Variants in PELI2 observed in about 807,000 individuals in gnomAD.
PELI2 encodes E3 ubiquitin-protein ligase pellino homolog 2.
Under a neutral mutation model 42.3 loss-of-function variants are expected in PELI2, and 23 were observed. The ratio of observed to expected loss-of-function variants is 0.54; its 90% CI spans 0.39 to 0.77. The LOEUF (loss-of-function observed/expected upper bound fraction) is 0.77, where lower values mean the gene tolerates loss of function less well. PELI2 is among the 30% of genes least tolerant of loss of function. The probability of loss-of-function intolerance (pLI) is 0.00; values close to 1 mark genes in which losing one functional copy is unlikely to be tolerated. For missense variants in PELI2, 463 were observed against 553.2 expected (o/e 0.84, Z 1.64); for synonymous variants, 245 against 212.2 (o/e 1.15, Z -1.34).
intron 3 of PELI2, among the ~76,000 whole-genome samples, chr14:56,285,192 A>C (rs896266801): frequency 6.6e-6 from 1 of 152,230 alleles, no homozygotes; most frequent in Non-Finnish European, 1.5e-5. Context: ...AGTAAGACAT[A>C]ATGGTAACCA....
chr14:56,218,816 A>G (rs1333753792), intron 2 of PELI2, among the ~76,000 whole-genome samples: 2 of 152,262 alleles, frequency 1.3e-5, no homozygotes, highest in South Asian at 2.1e-4. Flanking sequence ...CAAGAGAGCT[A>G]TTGGTCTGAA....
At chr14:56,221,593 A>G (rs1235284601) in intron 2 of PELI2, among the ~76,000 whole-genome samples, 1 of 152,228 alleles carries the variant, frequency 6.6e-6, no homozygotes, top group Non-Finnish European at 1.5e-5. Flanking sequence ...ATGAGAGACT[A>G]GGCCAAAACA....
chr14:56,154,451 C>T (rs141225134), intron 1 of PELI2, among the ~76,000 whole-genome samples: 89 of 152,252 alleles, frequency 5.8e-4, no homozygotes, highest in African/African-American at 1.9e-3. Flanking sequence ...TGAGCTCTCA[C>T]GAGATCTGTT....
At chr14:56,200,165 C>A (rs1194316398) in intron 2 of PELI2, among the ~76,000 whole-genome samples, 2 of 152,256 alleles carry the variant, frequency 1.3e-5, no homozygotes, top group African/African-American at 4.8e-5. Flanking sequence ...GTTATTGTAA[C>A]AGAAGGTATT....
chr14:56,142,838 T>A (rs1175081316), intron 1 of PELI2, among the ~76,000 whole-genome samples: 1 of 152,182 alleles, frequency 6.6e-6, no homozygotes, highest in African/African-American at 2.4e-5. Context: ...TTAGATCTTT[T>A]TAAACTACAG....
At chr14:56,270,349 G>A (rs1287685721) in intron 2 of PELI2, among the ~76,000 whole-genome samples, 1 of 152,200 alleles carries the variant, frequency 6.6e-6, no homozygotes, top group Non-Finnish European at 1.5e-5. Context: ...TGTGTTTCAT[G>A]CAACGTAAAT....
At chr14:56,265,325 T>C (rs1343290395) in intron 2 of PELI2, among the ~76,000 whole-genome samples, 1 of 152,052 alleles carries the variant, frequency 6.6e-6, no homozygotes, top group African/African-American at 2.4e-5. Flanking sequence ...AATAGACCCA[T>C]ATATATATGG....
rs370050424 is a variant in PELI2 at position 56,118,640 on chromosome 14, T to G, written c.-21T>G. 25,387 of 1,362,938 alleles carry G rather than the reference T, an allele frequency of 0.019. 303 individuals carry two copies. The highest frequency in any genetic ancestry group is 0.035 in the South Asian group (2,106 of 59,624). 84.4% of individuals were successfully genotyped at this position (1,362,938 alleles called of 1,614,324 possible). A position where few individuals can be genotyped will look rare whatever the true frequency, so the allele number is the denominator to read the frequency against. On this transcript the variant is annotated 5_prime_UTR_variant, in exon 1 of 6. Transcript: ENST00000267460. Reference sequence around the variant, plus strand: ...GGAGGCGGCGGCGTCGGCGGCGGCGTCGGCGGCCGAGCGGGGCTCCATGTT... The same window carrying G: ...GGAGGCGGCGGCGTCGGCGGCGGCGGCGGCGGCCGAGCGGGGCTCCATGTT...
intron 2 of PELI2, among the ~76,000 whole-genome samples, chr14:56,206,034 G>A (rs970845653): frequency 5.9e-5 from 9 of 152,142 alleles, no homozygotes; most frequent in African/African-American, 1.7e-4. Context: ...TCAAACCGGC[G>A]CTCCCAGGAG....
intron 2 of PELI2, among the ~76,000 whole-genome samples, chr14:56,234,406 G>A (rs557434296): frequency 6.6e-6 from 1 of 152,304 alleles, no homozygotes; most frequent in South Asian, 2.1e-4. Context: ...ATACACCATG[G>A]AATACTATAC....
At chr14:56,124,442 A>G (rs1230676063) in intron 1 of PELI2, among the ~76,000 whole-genome samples, 6 of 152,142 alleles carry the variant, frequency 3.9e-5, no homozygotes, top group African/African-American at 1.2e-4. Context: ...TTGGCTGTCT[A>G]CTCTTCCAGG....
At chr14:56,222,037 A>G (rs995024673) in intron 2 of PELI2, among the ~76,000 whole-genome samples, 25 of 151,406 alleles carry the variant, frequency 1.7e-4, no homozygotes, top group African/African-American at 5.6e-4. Context: ...TCTATGCACA[A>G]TGGCCCTAGG....
chr14:56,231,829 T>G (rs112643229), intron 2 of PELI2, among the ~76,000 whole-genome samples: 61,191 of 151,822 alleles, frequency 0.4, 13,036 homozygotes, highest in South Asian at 0.53. Context: ...AGCTGGTTTT[T>G]TGAAAAGATC....
At chr14:56,179,086 GTTAT>G (rs1885490460) in intron 2 of PELI2, among the ~76,000 whole-genome samples, 1 of 151,856 alleles carries the variant, frequency 6.6e-6, no homozygotes, top group Non-Finnish European at 1.5e-5. Context: ...AAAAAAACTG[GTTAT>G]TTGTTTTCTG....
At chr14:56,165,449 C>T (rs1480059434) in intron 1 of PELI2, among the ~76,000 whole-genome samples, 1 of 152,084 alleles carries the variant, frequency 6.6e-6, no homozygotes, top group Non-Finnish European at 1.5e-5. Context: ...TTTCAAATAG[C>T]CTGTCTTCAA....
chr14:56,194,491 G>T (rs1886062690), intron 2 of PELI2, among the ~76,000 whole-genome samples: 1 of 152,202 alleles, frequency 6.6e-6, no homozygotes, highest in Non-Finnish European at 1.5e-5. Flanking sequence ...ATGGACATTT[G>T]CAGTGGACAT....
chr14:56,251,133 C>G (rs1043588705), intron 2 of PELI2, among the ~76,000 whole-genome samples: 1 of 152,192 alleles, frequency 6.6e-6, no homozygotes, highest in African/African-American at 2.4e-5. Flanking sequence ...AAAGAAAGTT[C>G]TCTGGAGAAG....
At chr14:56,162,420 C>A (rs575802725) in intron 1 of PELI2, among the ~76,000 whole-genome samples, 1 of 152,150 alleles carries the variant, frequency 6.6e-6, no homozygotes, top group Non-Finnish European at 1.5e-5. Flanking sequence ...CCAGTTCCAT[C>A]CACATTGTTG....
intron 1 of PELI2, among the ~76,000 whole-genome samples, chr14:56,143,793 G>A (rs534867143): frequency 2.6e-4 from 39 of 152,308 alleles, no homozygotes; most frequent in Middle Eastern, 6.8e-3. Context: ...GCACTTCCTT[G>A]ATTTTTAGCA....
Sources: allele counts gnomAD v4.1 joint callset (sites outside exome capture counted in the v4.1 genomes callset), GRCh38; gene constraint gnomAD v4.1.1; transcripts MANE v1.5; gene names NCBI Gene and HGNC (gene_info 2026-07-23, HGNC 2026-07-21).